Variants in DIAPH2 observed in about 807,000 individuals in gnomAD.
The protein encoded by DIAPH2 is protein diaphanous homolog 2.
In DIAPH2, 35 loss-of-function variants were observed where a neutral mutation model predicts 92.7. The observed-to-expected ratio is 0.38, with a 90% CI of 0.29 to 0.50. The LOEUF (loss-of-function observed/expected upper bound fraction) is 0.50, where lower values mean the gene tolerates loss of function less well. Among genes scored for constraint, DIAPH2 ranks in the 20% least tolerant of loss-of-function variants. The pLI is 0.94. For synonymous variants in DIAPH2, 301 were observed against 280.4 expected (o/e 1.07, Z -0.73); for missense variants, 701 against 819.5 (o/e 0.86, Z 1.77).
At chrX:97,412,593 CA>C (rs959574945) in intron 25 of DIAPH2, among the ~76,000 whole-genome samples, 6 of 111,278 alleles carry the variant, frequency 5.4e-5, no homozygotes, top group Non-Finnish European at 1.1e-4. Context: ...AAAAACCCTT[CA>C]AAAAATCAAT....
At chrX:97,094,478 C>A (rs2066850899) in intron 19 of DIAPH2, among the ~76,000 whole-genome samples, 1 of 111,945 alleles carries the variant, frequency 8.9e-6, no homozygotes, top group African/African-American at 3.2e-5. Flanking sequence ...ATTTTATTAA[C>A]TAATGTGTTT....
intron 4 of DIAPH2, among the ~76,000 whole-genome samples, chrX:96,838,222 G>T (rs764835461): frequency 9.0e-6 from 1 of 111,625 alleles, no homozygotes; most frequent in Non-Finnish European, 1.9e-5. Flanking sequence ...GCAATGAGAC[G>T]TGTTTTATTA....
At chrX:96,707,422 C>A (rs1034758233) in intron 1 of DIAPH2, among the ~76,000 whole-genome samples, 1 of 109,842 alleles carries the variant, frequency 9.1e-6, no homozygotes, top group East Asian at 3.0e-4. Flanking sequence ...CTACCTGCCT[C>A]GGCCTCCCAA....
intron 26 of DIAPH2, among the ~76,000 whole-genome samples, chrX:97,556,743 C>T (rs767552284): frequency 8.9e-6 from 1 of 112,051 alleles, no homozygotes; most frequent in Non-Finnish European, 1.9e-5. Flanking sequence ...TTTCGGGGGA[C>T]ACAGTTCAAC....
At chrX:97,104,171 A>G (rs996396296) in intron 20 of DIAPH2, among the ~76,000 whole-genome samples, 2 of 111,949 alleles carry the variant, frequency 1.8e-5, no homozygotes, top group African/African-American at 6.5e-5. Context: ...TGCAAGTTCT[A>G]TAAATGGATG....
intron 26 of DIAPH2, among the ~76,000 whole-genome samples, chrX:97,512,009 C>T (rs750271824): frequency 2.7e-4 from 31 of 113,572 alleles, no homozygotes; most frequent in South Asian, 6.9e-4. Context: ...GGTATCAGGA[C>T]GATGCTGGCC....
At chrX:97,052,829 A>G (rs1341535991) in intron 17 of DIAPH2, among the ~76,000 whole-genome samples, 2 of 111,378 alleles carry the variant, frequency 1.8e-5, no homozygotes, top group Non-Finnish European at 3.8e-5. Flanking sequence ...GATATCCTTC[A>G]GAGGAGATTT....
chrX:97,298,508 G>A (rs1375089998), intron 23 of DIAPH2, among the ~76,000 whole-genome samples: 3 of 109,175 alleles, frequency 2.7e-5, no homozygotes, highest in African/African-American at 6.7e-5. Context: ...ATAGAAAGTC[G>A]TCATTAGGCA....
intron 26 of DIAPH2, among the ~76,000 whole-genome samples, chrX:97,461,662 T>C (rs749306174): frequency 2.7e-5 from 3 of 111,287 alleles, no homozygotes. Flanking sequence ...ATATTCCCTT[T>C]AGTTATGGGG....
chrX:96,957,524 C>T (rs187937937), intron 15 of DIAPH2, among the ~76,000 whole-genome samples: 2 of 111,191 alleles, frequency 1.8e-5, no homozygotes, highest in East Asian at 2.9e-4. Flanking sequence ...CTCATGATCA[C>T]GATTTGGGTG....
chrX:97,069,658 T>C (rs1371880311), intron 17 of DIAPH2, among the ~76,000 whole-genome samples: 1 of 111,933 alleles, frequency 8.9e-6, no homozygotes, highest in African/African-American at 3.2e-5. Context: ...TGAATGTGAT[T>C]CTGGCCATAG....
At chrX:96,797,955 T>C (rs1194488315) in intron 4 of DIAPH2, among the ~76,000 whole-genome samples, 1 of 112,726 alleles carries the variant, frequency 8.9e-6, no homozygotes, top group Non-Finnish European at 1.9e-5. Flanking sequence ...CTGTGGGGTA[T>C]TGGTGCAGGA....
chrX:97,311,231 C>G (rs1188007040), intron 23 of DIAPH2, among the ~76,000 whole-genome samples: 1 of 110,927 alleles, frequency 9.0e-6, no homozygotes, highest in African/African-American at 3.3e-5. Context: ...TTGCAATAAT[C>G]TAGGAGACTA....
chrX:97,454,384 T>TA (rs200787049), intron 26 of DIAPH2, among the ~76,000 whole-genome samples: 1,193 of 110,622 alleles, frequency 0.011, 16 homozygotes, highest in African/African-American at 0.037. Context: ...CTCAACTATG[T>TA]AAAAAAAAGA....
At chrX:96,843,289 T>G (rs2064949293) in intron 4 of DIAPH2, among the ~76,000 whole-genome samples, 1 of 111,672 alleles carries the variant, frequency 9.0e-6, no homozygotes, top group African/African-American at 3.3e-5. Context: ...TAGATGCCAG[T>G]GCTTTATTTC....
intron 17 of DIAPH2, among the ~76,000 whole-genome samples, chrX:96,989,943 A>G (rs138575406): frequency 1.8e-5 from 2 of 112,243 alleles, no homozygotes; most frequent in Admixed American, 1.9e-4. Flanking sequence ...AGAGTCATGC[A>G]TATGTATGTG....
intron 17 of DIAPH2, among the ~76,000 whole-genome samples, chrX:97,072,509 A>T (rs761400984): frequency 1.8e-5 from 2 of 112,423 alleles, no homozygotes; most frequent in South Asian, 7.4e-4. Context: ...TTTAGCAGTT[A>T]AACTTACCTT....
chrX:97,406,535 T>G (rs923950899), intron 25 of DIAPH2, among the ~76,000 whole-genome samples: 1 of 112,009 alleles, frequency 8.9e-6, no homozygotes, highest in Non-Finnish European at 1.9e-5. Flanking sequence ...GGTACATTTT[T>G]TTACTTCCTC....
chrX:97,071,200 A>G (rs2066667221), intron 17 of DIAPH2, among the ~76,000 whole-genome samples: 1 of 111,868 alleles, frequency 8.9e-6, no homozygotes, highest in South Asian at 3.7e-4. Flanking sequence ...CTTGTATACA[A>G]TTGTCTTAAG....
Sources: gnomAD v4.1 joint callset for allele counts (sites outside exome capture counted in the v4.1 genomes callset) on GRCh38, gnomAD v4.1.1 for gene constraint, MANE v1.5 for transcripts, NCBI Gene and HGNC (gene_info 2026-07-23, HGNC 2026-07-21) for gene names.